CAND2: variants seen among roughly 807,000 people sequenced by gnomAD.
CAND2 encodes the protein cullin associated and neddylation dissociated 2 (putative), also known as cullin-associated NEDD8-dissociated protein 2.
Under a neutral mutation model 98.9 loss-of-function variants are expected in CAND2, and 62 were observed. That is an observed-to-expected ratio of 0.63 (90% CI 0.51 to 0.77). CAND2 has a LOEUF of 0.77. Among genes scored for constraint, CAND2 ranks in the 30% least tolerant of loss-of-function variants. The pLI, the probability that CAND2 is intolerant of heterozygous loss-of-function variation, is 0.00. For synonymous variants in CAND2, 770 were observed against 731.9 expected (o/e 1.05, Z -0.84); for missense variants, 1,501 against 1,655.2 (o/e 0.91, Z 1.62).
intron 12 of CAND2, 107 bp downstream of exon 12, chr3:12,825,746 G>T (rs763855918): frequency 1.1e-5 from 14 of 1,237,954 alleles, no homozygotes; most frequent in Non-Finnish European, 1.6e-5. Context: ...GGGGCCACAT[G>T]GCCTGGGTCA....
chr3:12,819,809 T>G (rs1465872064), intron 10 of CAND2, among the ~76,000 whole-genome samples: 1 of 152,198 alleles, frequency 6.6e-6, no homozygotes, highest in Non-Finnish European at 1.5e-5. Flanking sequence ...GGAAGGTCTT[T>G]GTTGGAGCAG....
rs201105764 is a variant in CAND2 at position 12,816,881 on chromosome 3, T to A, written c.1949T>A (p.Leu650Gln). The change falls in exon 10 of 15, where the codon CTG (leucine) becomes CAG (glutamine). Residue 650 changes from leucine to glutamine, a missense_variant. Coordinates refer to ENST00000456430, the MANE Select transcript of CAND2 (RefSeq NM_001162499.2). ...SPLQLDLQPI[L>Q]AEALHILASF... ...CTACAGCTTGACCTACAGCCCATCC[T>A]GGCCGAGGCACTGCACATTCTGGCC... 485 of 1,613,754 alleles carry A rather than the reference T, an allele frequency of 3.0e-4. No homozygotes were observed. Among genetic ancestry groups the A allele is most frequent in the Non-Finnish European group, 3.6e-4 (422 of 1,180,044 alleles).
At chr3:12,820,273 C>A in intron 11 of CAND2, 92 bp downstream of exon 11, 2 of 927,388 alleles carry the variant, frequency 2.2e-6, no homozygotes, top group Non-Finnish European at 3.3e-6. Context: ...TAGCCAAGGG[C>A]AATGGGAGAC....
rs749986620 is a variant in CAND2 at position 12,817,643 on chromosome 3, T to A, written c.2711T>A (p.Ile904Asn). ...TTCCTGCCCTTCCTGCTGGAGCAGA[T>A]CGAGGCTGAGCCCCGACGACAGTAC... Reference protein sequence around the residue: ...PDFLPFLLEQIEAEPRRQYLL... With the variant: ...PDFLPFLLEQNEAEPRRQYLL... Residue 904 changes from isoleucine to asparagine, a missense_variant, in exon 10 of 15, where the codon ATC (isoleucine) becomes AAC (asparagine). Around this residue, in one of 3 missense-constraint regions of CAND2, gnomAD observed 1,427 missense variants for 1,545.3 expected, o/e 0.92. Transcript: ENST00000456430. The A allele has an allele frequency of 3.1e-6, 5 of 1,613,102 alleles. No individual in the cohort carries two copies. In the African/African-American group the frequency reaches 6.7e-5, roughly 22 times the overall value.
At position 12,833,031 on chromosome 3, in the gene CAND2, C is replaced by A. The variant is rs143032415; in HGVS notation, c.3484-724C>A. Among the ~76,000 whole-genome samples the A allele has an allele frequency of 3.0e-3, 459 of 152,252 alleles. 2 individuals are homozygous for A. The highest frequency in any genetic ancestry group is 0.01 in the African/African-American group (432 of 41,536). ...TACTTATAGATGGGGAAATGAGGCT[C>A]AAAGATGTAGTTACCTGAAGTCACA... On this transcript the variant is annotated intron_variant, in intron 14 of 14. Transcript: ENST00000456430.
At chr3:12,823,593 C>T (rs1255631356) in intron 11 of CAND2, among the ~76,000 whole-genome samples, 1 of 152,126 alleles carries the variant, frequency 6.6e-6, no homozygotes, top group African/African-American at 2.4e-5. Flanking sequence ...GCCGGGCATG[C>T]TGGCGGGCGC....
In CAND2 at chr3:12,810,195, C is replaced by A; in HGVS notation, c.628C>A (p.Leu210Ile). 1 of 1,540,808 alleles carries A rather than the reference C, an allele frequency of 6.5e-7. No homozygotes were observed. ...CCTGGCGGCCGCCTGCAGCACCGAC[C>A]TCTTCGTCGAGCTCGCTGACCACCT... Reference protein sequence around the residue: ...GHLAAACSTDLFVELADHLLD... With the variant: ...GHLAAACSTDIFVELADHLLD... The change falls in exon 5 of 15, where the codon CTC (leucine) becomes ATC (isoleucine). Residue 210 changes from leucine (L) to isoleucine (I), a missense_variant. Transcript: ENST00000456430.
rs143752876 is a variant in CAND2 at position 12,830,991 on chromosome 3, C to T, written c.3376-474C>T. Among the ~76,000 whole-genome samples the T allele has an allele frequency of 4.6e-3, 693 of 151,364 alleles. 1 individual carries two copies. The highest frequency in any genetic ancestry group is 0.01 in the Middle Eastern group (3 of 294). On this transcript the variant is annotated intron_variant, in intron 13 of 14. Coordinates refer to ENST00000456430, the MANE Select transcript of CAND2 (RefSeq NM_001162499.2). ...ATTCCCCTACAGGCTGAATCTAGGC[C>T]TGCAGCCATGTTTAGTTGTTGTTAA...
At chr3:12,827,993 A>AG (rs1309458659) in intron 13 of CAND2, among the ~76,000 whole-genome samples, 1 of 152,080 alleles carries the variant, frequency 6.6e-6, no homozygotes, top group Non-Finnish European at 1.5e-5. Context: ...AAAAAAAAAA[A>AG]AAAAATTCCC....
chr3:12,831,927 C>G (rs1356146792), intron 14 of CAND2, among the ~76,000 whole-genome samples: 1 of 152,170 alleles, frequency 6.6e-6, no homozygotes, highest in East Asian at 1.9e-4. Context: ...CTGTCAATCT[C>G]TCACCTCCTT....
intron 4 of CAND2, among the ~76,000 whole-genome samples, chr3:12,809,186 A>G (rs2061830461): frequency 6.6e-6 from 1 of 152,000 alleles, no homozygotes. Context: ...GGGGGCAGAC[A>G]GAGGTGCTGT....
chr3:12,827,887 GCAGGAGGATGGCTTGAGCC>G lies in CAND2; in HGVS notation c.3375+291_3375+309del, dbSNP rs1251455077. Among the ~76,000 whole-genome samples the G allele has an allele frequency of 6.6e-5, 10 of 152,108 alleles. No individual in the cohort carries two copies. The South Asian group carries it at 1.7e-3, about 25-fold the overall frequency. On this transcript the variant is annotated intron_variant, in intron 13 of 14. Transcript: ENST00000456430. ...AATCCCAGCACTTTGGGAGGCTGAGGCAGGAGGATGGCTTGAGCCCAGGAGGTTGAGGCTGCAGTGAAAC... is the reference window on the plus strand; with the variant it reads ...AATCCCAGCACTTTGGGAGGCTGAGGCAGGAGGTTGAGGCTGCAGTGAAAC...
rs932525191 is a variant in CAND2, at chr3:12,807,272, T to C, written c.213-34T>C. ...GCAGCCTGACTCAGGCTGAACCTTGTGCCCTTGGATTCACCTTCCCACTCC... is the reference window on the plus strand; with the variant it reads ...GCAGCCTGACTCAGGCTGAACCTTGCGCCCTTGGATTCACCTTCCCACTCC... On this transcript the variant is annotated intron_variant, in intron 2 of 14. Coordinates refer to ENST00000456430, the MANE Select transcript of CAND2 (RefSeq NM_001162499.2). The C allele has an allele frequency of 3.9e-6, 6 of 1,544,516 alleles. No individual in the cohort carries two copies. In the East Asian group the frequency reaches 1.2e-4, roughly 32 times the overall value.
intron 4 of CAND2, among the ~76,000 whole-genome samples, chr3:12,809,202 G>A (rs1331119982): frequency 6.6e-6 from 1 of 152,016 alleles, no homozygotes; most frequent in Non-Finnish European, 1.5e-5. Flanking sequence ...GCTGTGATGG[G>A]GTGCACTCCG....
intron 2 of CAND2, among the ~76,000 whole-genome samples, chr3:12,806,858 C>T (rs998469148): frequency 2.0e-5 from 3 of 152,198 alleles, no homozygotes; most frequent in African/African-American, 7.2e-5. Flanking sequence ...AAGCAAGCCT[C>T]TAAGGCAGAG....
Position 12,816,864 on chromosome 3 carries a change from T to C in CAND2, c.1932T>C (p.Leu644=). Residue 644 remains leucine, a synonymous_variant, in exon 10 of 15, where the codon CTT becomes CTC. Transcript: ENST00000456430. ...TGGTGGCCGTATCCCCACTACAGCT[T>C]GACCTACAGCCCATCCTGGCCGAGG... The part of the protein sequence containing the change: ...LTLVAVSPLQ[L]DLQPILAEAL... 3 of 1,613,850 alleles carry C rather than the reference T, an allele frequency of 1.9e-6. No homozygotes were observed. The highest frequency in any genetic ancestry group is 2.7e-5 in the African/African-American group (2 of 75,048).
At chr3:12,826,894 G>A (rs1415419245) in intron 12 of CAND2, among the ~76,000 whole-genome samples, 4 of 148,378 alleles carry the variant, frequency 2.7e-5, no homozygotes, top group African/African-American at 5.0e-5. Context: ...GCAGTGGCGC[G>A]ATCTCAGCTC....
In CAND2 at chr3:12,834,160, C is replaced by T. The variant is rs1218592960; in HGVS notation, c.*178C>T. ...TCCAGGGACCCAACTCAAAGGCCCCCAGCCCAAGCTGTGAGGCTGCCAACA... is the reference window on the plus strand; with the variant it reads ...TCCAGGGACCCAACTCAAAGGCCCCTAGCCCAAGCTGTGAGGCTGCCAACA... On this transcript the variant is annotated 3_prime_UTR_variant, in exon 15 of 15. Transcript: ENST00000456430. The T allele has an allele frequency of 3.3e-6, 2 of 604,436 alleles. No individual in the cohort carries two copies. Among genetic ancestry groups the T allele is most frequent in the African/African-American group, 3.7e-5 (2 of 53,948 alleles). The allele number at this position is 604,436 out of a possible 1,614,324, so 37.4% of individuals were successfully genotyped here.
At chr3:12,832,352 GTC>G (rs1248284576) in intron 14 of CAND2, 1 of 152,200 alleles carries the variant, frequency 6.6e-6, no homozygotes, top group African/African-American at 2.4e-5. Context: ...AGTTTTGACA[GTC>G]TCTCATTTCT....
Sources: gnomAD v4.1 joint callset for allele counts (sites outside exome capture counted in the v4.1 genomes callset) on GRCh38, gnomAD v4.1.1 for gene constraint, gnomAD v4.1.1 regional missense constraint, MANE v1.5 for transcripts, NCBI Gene and HGNC (gene_info 2026-07-23, HGNC 2026-07-21) for gene names.